FARP2: variants seen among roughly 807,000 people sequenced by gnomAD.
FARP2 encodes the protein FERM, ARHGEF and pleckstrin domain-containing protein 2.
Under a neutral mutation model 130.5 loss-of-function variants are expected in FARP2, and 111 were observed. The ratio of observed to expected loss-of-function variants is 0.85; its 90% confidence interval spans 0.73 to 1.00. The LOEUF (loss-of-function observed/expected upper bound fraction) is 1.00. Among genes scored for constraint, FARP2 ranks in the 50% least tolerant of loss-of-function variants. The pLI, the probability that FARP2 is intolerant of heterozygous loss-of-function variation, is 0.00. For missense variants in FARP2, 1,385 were observed against 1,346.3 expected (o/e 1.03, Z -0.45); for synonymous variants, 504 against 516.9 (o/e 0.98, Z 0.34).
At chr2:241,381,310 G>T (rs1194026113) in intron 2 of FARP2, among the ~76,000 whole-genome samples, 4 of 152,038 alleles carry the variant, frequency 2.6e-5, no homozygotes, top group Non-Finnish European at 4.4e-5. Flanking sequence ...ACCCCGGCCT[G>T]CTGCTTGTTG....
intron 2 of FARP2, among the ~76,000 whole-genome samples, chr2:241,397,701 T>C (rs572905738): frequency 1.3e-5 from 2 of 152,168 alleles, no homozygotes; most frequent in South Asian, 4.1e-4. Context: ...AGCTGCTTCA[T>C]TGAGTTGTAG....
chr2:241,404,935 C>A, intron 4 of FARP2, 94 bp downstream of exon 4: 1 of 902,128 alleles, frequency 1.1e-6, no homozygotes, highest in Non-Finnish European at 1.8e-6. Context: ...ATTCTCACCA[C>A]CGTGTATGGT....
rs115193628 is a variant in FARP2 at position 241,472,574 on chromosome 2, G to A, written c.2132-3283G>A. On this transcript the variant is annotated intron_variant, in intron 18 of 26. Transcript: ENST00000264042. ...CTGTTCTGTGGGGAACCTGTTCTGA[G>A]AGGACCCTGTTCTGAAGGGAATGCT... 4.8e-3 allele frequency among the ~76,000 whole-genome samples: 734 copies of A among 151,942 alleles called. 11 individuals carry two copies. The highest frequency in any genetic ancestry group is 0.017 in the African/African-American group (699 of 41,448).
At chr2:241,408,398 C>G (rs1418715994) in intron 5 of FARP2, among the ~76,000 whole-genome samples, 1 of 151,338 alleles carries the variant, frequency 6.6e-6, no homozygotes, top group Non-Finnish European at 1.5e-5. Context: ...AGAAAATTAT[C>G]CAGGCGTGGT....
intron 15 of FARP2, 87 bp downstream of exon 15, chr2:241,462,699 T>TC (rs1448096156): frequency 2.8e-5 from 27 of 978,862 alleles, no homozygotes; most frequent in Non-Finnish European, 4.2e-5. Flanking sequence ...TTTCTTTTTT[T>TC]CTTTTTTTGA....
chr2:241,490,119 A>C, intron 22 of FARP2, 75 bp downstream of exon 22: 1 of 1,054,956 alleles, frequency 9.5e-7, no homozygotes, highest in Non-Finnish European at 1.5e-6. Context: ...TGAGCCTCTG[A>C]GTCCTCTGAG....
chr2:241,470,988 G>C (rs1295684060), intron 18 of FARP2, among the ~76,000 whole-genome samples: 1 of 151,708 alleles, frequency 6.6e-6, no homozygotes, highest in Non-Finnish European at 1.5e-5. Context: ...GTTATTCTGG[G>C]GGGGACACTA....
At position 241,434,997 on chromosome 2, in the gene FARP2, A is replaced by G. The variant is rs1250799745; in HGVS notation, c.1067A>G (p.Lys356Arg). Residue 356 changes from lysine to arginine, a missense_variant, in exon 11 of 27, where the codon AAA (lysine) becomes AGA (arginine). By Grantham distance (26) the Lys-to-Arg change is conservative (BLOSUM62 2). Transcript: ENST00000264042. ...RTQKQLVDYF[K>R]DSGMKRIPYE... is the part of the protein sequence containing the mutation. ...CAGAAACAACTAGTAGATTATTTCAAAGACAGTGGAATGAAGAGAATTCCA... is the reference window on the plus strand; with the variant it reads ...CAGAAACAACTAGTAGATTATTTCAGAGACAGTGGAATGAAGAGAATTCCA... 10 of 1,597,814 alleles carry G rather than the reference A, an allele frequency of 6.3e-6. No individual in the cohort carries two copies. Among genetic ancestry groups the G allele is most frequent in the Admixed American group, 1.7e-5 (1 of 59,036 alleles).
At chr2:241,466,044 G>A in intron 17 of FARP2, 5 of 1,255,704 alleles carry the variant, frequency 4.0e-6, no homozygotes, top group Non-Finnish European at 5.0e-6. Context: ...TCATACTGTA[G>A]TCATCTTTAA....
At chr2:241,492,196 C>T (rs1054935562) in intron 24 of FARP2, among the ~76,000 whole-genome samples, 2 of 152,178 alleles carry the variant, frequency 1.3e-5, no homozygotes, top group African/African-American at 2.4e-5. Flanking sequence ...TTTGCTGTCT[C>T]CCCATAATTC....
At chr2:241,493,754 G>A (rs1182601603) in intron 26 of FARP2, 27 of 466,632 alleles carry the variant, frequency 5.8e-5, no homozygotes, top group South Asian at 3.3e-4. Context: ...ACGCCACGCC[G>A]CCTGGCTAAT....
chr2:241,419,849 G>T (rs902636103), intron 8 of FARP2, among the ~76,000 whole-genome samples: 2 of 152,112 alleles, frequency 1.3e-5, no homozygotes, highest in Admixed American at 6.5e-5. Flanking sequence ...GGAATTAACC[G>T]TTAGAAAGCC....
At chr2:241,358,460 C>G (rs1188751467) in intron 1 of FARP2, among the ~76,000 whole-genome samples, 1 of 152,264 alleles carries the variant, frequency 6.6e-6, no homozygotes, top group Non-Finnish European at 1.5e-5. Context: ...TCATTTAAAT[C>G]CATTTGGCCC....
At chr2:241,457,311 G>A (rs887765867) in intron 14 of FARP2, among the ~76,000 whole-genome samples, 1 of 151,528 alleles carries the variant, frequency 6.6e-6, no homozygotes, top group Non-Finnish European at 1.5e-5. Flanking sequence ...TTCTCTCCCT[G>A]CTTGGTCAAG....
intron 9 of FARP2, 35 bp downstream of exon 9, chr2:241,431,809 AT>A (rs1352033454): frequency 1.3e-6 from 1 of 762,418 alleles, no homozygotes. Flanking sequence ...TTTTTATTTT[AT>A]TTTATTTATT....
At position 241,449,867 on chromosome 2, in the gene FARP2, C is replaced by T. The variant is rs149553111; in HGVS notation, c.1412-6880C>T. Among the ~76,000 whole-genome samples the T allele has an allele frequency of 0.012, 1,888 of 152,042 alleles. 123 individuals carry two copies. In the East Asian group the frequency reaches 0.17, roughly 13 times the overall value. Reference sequence around the variant, plus strand: ...CACACACACACAAAAATTAGCTAGGCATGGTGGCGGGTGCCTGTAATCCCA... The same window carrying T: ...CACACACACACAAAAATTAGCTAGGTATGGTGGCGGGTGCCTGTAATCCCA... On this transcript the variant is annotated intron_variant, in intron 13 of 26. Coordinates refer to ENST00000264042, the MANE Select transcript of FARP2 (RefSeq NM_014808.4).
chr2:241,431,717 C>A lies in FARP2; in HGVS notation c.810C>A (p.Val270=), dbSNP rs767271561. The A allele has an allele frequency of 1.2e-6, 2 of 1,602,834 alleles. No individual in the cohort carries two copies. The highest frequency in any genetic ancestry group is 8.5e-7 in the Non-Finnish European group (1 of 1,172,184). The part of the protein sequence containing the change: ...TKINTFNWSK[V]RKLSFKRKRF... Reference sequence around the variant, plus strand: ...TCAACACTTTCAACTGGTCCAAGGTCCGTAAACTAAGCTTCAAGAGGAAAA... The same window carrying A: ...TCAACACTTTCAACTGGTCCAAGGTACGTAAACTAAGCTTCAAGAGGAAAA... The change falls in exon 9 of 27, where the codon GTC becomes GTA. Residue 270 remains valine, a synonymous_variant. Coordinates refer to ENST00000264042, the MANE Select transcript of FARP2 (RefSeq NM_014808.4).
chr2:241,427,759 G>C (rs1170138587), intron 8 of FARP2, among the ~76,000 whole-genome samples: 2 of 151,904 alleles, frequency 1.3e-5, no homozygotes, highest in Admixed American at 1.3e-4. Context: ...TCCGTGGCAG[G>C]CCCTCGGTTT....
At chr2:241,493,228 A>G in intron 25 of FARP2, 65 bp from the exon 26 acceptor site, 1 of 1,550,716 alleles carries the variant, frequency 6.4e-7, no homozygotes, top group African/African-American at 1.4e-5. Flanking sequence ...TGCAGGTAGC[A>G]GAGGAATGGG....
Sources: gnomAD v4.1 joint callset for allele counts (sites outside exome capture counted in the v4.1 genomes callset) on GRCh38, gnomAD v4.1.1 for gene constraint, MANE v1.5 for transcripts, NCBI Gene and HGNC (gene_info 2026-07-23, HGNC 2026-07-21) for gene names.